GABRB2: variants seen among roughly 807,000 people sequenced by gnomAD.
GABRB2 encodes the protein gamma-aminobutyric acid type A receptor subunit beta2, also known as gamma-aminobutyric acid receptor subunit beta-2.
A neutral mutation model predicts 54.7 loss-of-function variants in GABRB2; 16 were observed. The observed-to-expected ratio is 0.29, with a 90% confidence interval of 0.20 to 0.44. GABRB2 has a LOEUF of 0.44. GABRB2 is among the 20% of genes least tolerant of loss of function. The pLI is 1.00. For missense variants in GABRB2, 355 were observed against 644.0 expected (o/e 0.55, Z 4.86); for synonymous variants, 244 against 233.8 (o/e 1.04, Z -0.40).
intron 3 of GABRB2, among the ~76,000 whole-genome samples, chr5:161,487,500 A>G (rs1267664618): frequency 6.6e-6 from 1 of 151,844 alleles, no homozygotes; most frequent in Non-Finnish European, 1.5e-5. Flanking sequence ...GAAACACTCA[A>G]ATTCATTTTT....
intron 3 of GABRB2, among the ~76,000 whole-genome samples, chr5:161,515,713 T>G (rs547016373): frequency 1.3e-5 from 2 of 152,272 alleles, no homozygotes; most frequent in African/African-American, 4.8e-5. Flanking sequence ...AATTTGTAAA[T>G]TGCTACTCCA....
At chr5:161,305,481 C>G (rs1467255879) in intron 9 of GABRB2, among the ~76,000 whole-genome samples, 1 of 152,154 alleles carries the variant, frequency 6.6e-6, no homozygotes, top group Non-Finnish European at 1.5e-5. Flanking sequence ...TGAGAATCTG[C>G]CTACCCAATC....
intron 3 of GABRB2, among the ~76,000 whole-genome samples, chr5:161,517,350 AT>A: frequency 6.6e-6 from 1 of 152,274 alleles, no homozygotes; most frequent in South Asian, 2.1e-4. Flanking sequence ...CCAAAAATAT[AT>A]TTGTGTAGCA....
At position 161,495,251 on chromosome 5, in the gene GABRB2, T is replaced by A. The variant is rs556614528; in HGVS notation, c.238-35407A>T. Among the ~76,000 whole-genome samples, 228 of 152,088 alleles carry A rather than the reference T, an allele frequency of 1.5e-3. 3 individuals carry two copies. Among genetic ancestry groups the A allele is most frequent in the Non-Finnish European group, 2.5e-3 (172 of 67,952 alleles). On this transcript the variant is annotated intron_variant, in intron 3 of 9. Coordinates refer to ENST00000393959, the MANE Select transcript of GABRB2 (RefSeq NM_001371727.1). ...CCTTGAATAAGTCCTACCTTAATAC[T>A]CAGGAGTGTTATCTATTATTTATAA...
At chr5:161,444,173 A>C (rs1757546672) in intron 4 of GABRB2, among the ~76,000 whole-genome samples, 1 of 152,170 alleles carries the variant, frequency 6.6e-6, no homozygotes, top group Non-Finnish European at 1.5e-5. Flanking sequence ...ATGTGCATGC[A>C]CATGCACAGA....
chr5:161,340,471 C>T (rs765113793), intron 5 of GABRB2, among the ~76,000 whole-genome samples: 77 of 152,088 alleles, frequency 5.1e-4, no homozygotes, highest in Middle Eastern at 3.4e-3. Context: ...ACACAGTTGG[C>T]ACTAAATAAA....
At chr5:161,439,826 G>A (rs1757413271) in intron 4 of GABRB2, among the ~76,000 whole-genome samples, 1 of 151,956 alleles carries the variant, frequency 6.6e-6, no homozygotes, top group Admixed American at 6.6e-5. Context: ...CCATTGGTGG[G>A]GGTAGGGGGA....
intron 9 of GABRB2, among the ~76,000 whole-genome samples, chr5:161,319,306 A>G (rs1245433414): frequency 6.6e-6 from 1 of 150,410 alleles, no homozygotes; most frequent in South Asian, 2.1e-4. Flanking sequence ...TAATTTCCTA[A>G]GAGATTTTAA....
intron 3 of GABRB2, among the ~76,000 whole-genome samples, chr5:161,544,160 G>A (rs745309504): frequency 5.3e-4 from 81 of 152,304 alleles, no homozygotes; most frequent in Non-Finnish European, 1.1e-3. Context: ...GGGTGGCTTA[G>A]AAATGTTTTG....
At chr5:161,317,211 G>A (rs533406080) in intron 9 of GABRB2, among the ~76,000 whole-genome samples, 21 of 152,256 alleles carry the variant, frequency 1.4e-4, no homozygotes, top group African/African-American at 5.1e-4. Flanking sequence ...TGAGTACAGT[G>A]TATGTTATTT....
At chr5:161,485,863 T>C (rs1159270362) in intron 3 of GABRB2, among the ~76,000 whole-genome samples, 1 of 151,760 alleles carries the variant, frequency 6.6e-6, no homozygotes, top group Non-Finnish European at 1.5e-5. Flanking sequence ...GCAGAGTGAT[T>C]TGTGGGGTGT....
At chr5:161,501,938 ATG>A (rs1759457563) in intron 3 of GABRB2, among the ~76,000 whole-genome samples, 1 of 148,394 alleles carries the variant, frequency 6.7e-6, no homozygotes, top group Non-Finnish European at 1.5e-5. Flanking sequence ...TATAAAATAA[ATG>A]TAAAATATGT....
At chr5:161,480,331 GATA>G (rs1007127398) in intron 3 of GABRB2, among the ~76,000 whole-genome samples, 9 of 152,010 alleles carry the variant, frequency 5.9e-5, no homozygotes, top group African/African-American at 1.9e-4. Context: ...TATATATGTA[GATA>G]ATAATAATAG....
In GABRB2 at chr5:161,290,823, C is replaced by T. The variant is rs1757217517; in HGVS notation, c.*3258G>A. 6.6e-6 allele frequency: 1 copy of T among 152,416 alleles called. No homozygotes were observed. Among genetic ancestry groups the T allele is most frequent in the African/African-American group, 2.4e-5 (1 of 41,376 alleles). 9.4% of individuals were successfully genotyped at this position (152,416 alleles called of 1,614,324 possible). On this transcript the variant is annotated 3_prime_UTR_variant, in exon 10 of 10. Coordinates refer to ENST00000393959, the MANE Select transcript of GABRB2 (RefSeq NM_001371727.1). ...TCTTGCTTTAAACATGATTCATTTC[C>T]CCATTACGCATTCCACTGCTCTTTC...
chr5:161,491,421 G>T (rs554042757), intron 3 of GABRB2, among the ~76,000 whole-genome samples: 2 of 151,560 alleles, frequency 1.3e-5, no homozygotes, highest in Non-Finnish European at 3.0e-5. Context: ...AAACTTCTCA[G>T]ATGCAAATAC....
At chr5:161,442,149 C>T (rs1757484516) in intron 4 of GABRB2, among the ~76,000 whole-genome samples, 1 of 151,972 alleles carries the variant, frequency 6.6e-6, no homozygotes, top group African/African-American at 2.4e-5. Flanking sequence ...TATGGAAAAC[C>T]CATTGCCCAT....
At chr5:161,455,363 T>G (rs1757921209) in intron 4 of GABRB2, among the ~76,000 whole-genome samples, 1 of 152,040 alleles carries the variant, frequency 6.6e-6, no homozygotes, top group Non-Finnish European at 1.5e-5. Flanking sequence ...GATGACCACC[T>G]CTTCTGACAC....
intron 4 of GABRB2, among the ~76,000 whole-genome samples, chr5:161,443,831 A>T (rs1341886079): frequency 6.6e-6 from 1 of 152,184 alleles, no homozygotes; most frequent in East Asian, 1.9e-4. Context: ...GTAATGACCA[A>T]TGAGTAGAGC....
chr5:161,496,726 G>A (rs916355941), intron 3 of GABRB2, among the ~76,000 whole-genome samples: 1 of 152,084 alleles, frequency 6.6e-6, no homozygotes, highest in Non-Finnish European at 1.5e-5. Flanking sequence ...TTTAACATCT[G>A]CAGAGTAGTT....
Sources: allele counts gnomAD v4.1 joint callset (sites outside exome capture counted in the v4.1 genomes callset), GRCh38; gene constraint gnomAD v4.1.1; transcripts MANE v1.5; gene names NCBI Gene and HGNC (gene_info 2026-07-23, HGNC 2026-07-21).